Variants in DDX59 observed in about 807,000 individuals in gnomAD.
DDX59 encodes probable ATP-dependent RNA helicase DDX59.
DDX59 carries 30 observed loss-of-function variants against 51.9 expected under a neutral mutation model. The observed-to-expected ratio is 0.58, with a 90% CI of 0.43 to 0.78. DDX59 has a LOEUF of 0.78. Among genes scored for constraint, DDX59 ranks in the 30% least tolerant of loss-of-function variants. DDX59 has a pLI of 0.00. For missense variants in DDX59, 672 were observed against 730.8 expected (o/e 0.92, Z 0.93); for synonymous variants, 255 against 253.3 (o/e 1.01, Z -0.06).
chr1:200,666,737 A>G lies in DDX59; in HGVS notation c.4T>C (p.Phe2Leu). 6.2e-7 allele frequency: 1 copy of G among 1,608,902 alleles called. No homozygotes were observed. The change falls in exon 2 of 8, where the codon TTT (phenylalanine) becomes CTT (leucine). Residue 2 changes from phenylalanine to leucine, a missense_variant. Phe to Leu is a conservative substitution (Grantham distance 22, BLOSUM62 0). Coordinates refer to ENST00000331314, the MANE Select transcript of DDX59 (RefSeq NM_001031725.6). MFVPRSLKIKRN... is the reference protein window; with the variant it reads MLVPRSLKIKRN... ...TTGATTTTTAGAGATCTTGGAACAAACATCCTTCAATATTCTGTTAAGGAA... is the reference window on the plus strand; with the variant it reads ...TTGATTTTTAGAGATCTTGGAACAAGCATCCTTCAATATTCTGTTAAGGAA...
At chr1:200,659,262 G>T in intron 3 of DDX59, 146 bp from the exon 4 acceptor site, 1 of 608,432 alleles carries the variant, frequency 1.6e-6, no homozygotes, top group Admixed American at 3.0e-5. Flanking sequence ...CATAGTCTCT[G>T]CTCTCATGAA....
chr1:200,644,895 CAAAAAAAAAAAAA>C (rs60033922), intron 7 of DDX59, among the ~76,000 whole-genome samples: 1 of 80,982 alleles, frequency 1.2e-5, no homozygotes, highest in Non-Finnish European at 2.5e-5. Context: ...GACTCCATCT[CAAAAAAAAAAAAA>C]AAAAAAAAAG....
downstream of DDX59, chr1:200,641,273 G>A (rs536520510): frequency 3.1e-5 from 39 of 1,277,088 alleles, no homozygotes; most frequent in African/African-American, 5.8e-4. Context: ...GAAGAAAATA[G>A]TGTAGTTTTA....
chr1:200,647,377 C>T (rs1338597080), intron 7 of DDX59, among the ~76,000 whole-genome samples: 3 of 151,962 alleles, frequency 2.0e-5, no homozygotes, highest in Non-Finnish European at 4.4e-5. Context: ...GACAAGATTC[C>T]TTAAAAAAAT....
chr1:200,665,229 T>A (rs949317217), intron 2 of DDX59, among the ~76,000 whole-genome samples: 1 of 151,964 alleles, frequency 6.6e-6, no homozygotes, highest in East Asian at 1.9e-4. Flanking sequence ...GCTGAGGCGG[T>A]TGGATTACCT....
At chr1:200,653,432 A>AT (rs765077892) in intron 4 of DDX59, among the ~76,000 whole-genome samples, 20 of 152,236 alleles carry the variant, frequency 1.3e-4, no homozygotes, top group Non-Finnish European at 2.6e-4. Context: ...ACCCACTAGC[A>AT]TACCTCAGAG....
chr1:200,644,562 T>C (rs928256918), intron 7 of DDX59, 45 bp from the exon 8 acceptor site: 1 of 1,525,404 alleles, frequency 6.6e-7, no homozygotes, highest in South Asian at 1.3e-5. Flanking sequence ...CCATGTAAAA[T>C]CTTAGTGTCT....
rs1661138584 is a variant in DDX59, at chr1:200,644,113, AAATAC to A, written c.*136_*140del. 2 of 665,958 alleles carry A rather than the reference AAATAC, an allele frequency of 3.0e-6. No homozygotes were observed. Among genetic ancestry groups the A allele is most frequent in the African/African-American group, 1.9e-5 (1 of 52,226 alleles). 41.3% of individuals were successfully genotyped at this position (665,958 alleles called of 1,614,324 possible). On this transcript the variant is annotated 3_prime_UTR_variant, in exon 8 of 8. Coordinates refer to ENST00000331314, the MANE Select transcript of DDX59 (RefSeq NM_001031725.6). ...TTAATTTATAAGAATTAAGGGAAAT[AAATAC>A]AATATAGTTATATAAATTTTATTAA...
In DDX59 at chr1:200,669,796, C is replaced by G. The variant is rs1291127430; in HGVS notation, c.-41G>C. On this transcript the variant is annotated 5_prime_UTR_variant, in exon 1 of 8. Coordinates refer to ENST00000331314, the MANE Select transcript of DDX59 (RefSeq NM_001031725.6). ...GCAGGACTGAGGCCGCGTCCGCTCC[C>G]GCTCCCGCTCGGGCCGTCTCCCCCT... The G allele has an allele frequency of 6.6e-6, 1 of 152,654 alleles. No homozygotes were observed. The highest frequency in any genetic ancestry group is 1.5e-5 in the Non-Finnish European group (1 of 68,420). 9.5% of individuals were successfully genotyped at this position (152,654 alleles called of 1,614,324 possible). A position where few individuals can be genotyped will look rare whatever the true frequency, so the allele number is the denominator to read the frequency against.
In DDX59 at chr1:200,649,069, C is replaced by A; in HGVS notation, c.1467+5G>T. ...AAACAGAATATAGAATATTGGGTGT[C>A]AAACCTTCAATATGTTTTTCCTTTC... On this transcript the variant is annotated splice_donor_5th_base_variant and intron_variant, in intron 6 of 7. Transcript: ENST00000331314. 1.3e-6 allele frequency: 2 copies of A among 1,552,714 alleles called. No homozygotes were observed. The highest frequency in any genetic ancestry group is 2.5e-5 in the South Asian group (2 of 80,360).
At chr1:200,667,085 G>A (rs1274291286) in intron 1 of DDX59, among the ~76,000 whole-genome samples, 1 of 150,820 alleles carries the variant, frequency 6.6e-6, no homozygotes, top group South Asian at 2.1e-4. Context: ...TCCAGCCTGG[G>A]TGACAGTGAG....
intron 7 of DDX59, among the ~76,000 whole-genome samples, chr1:200,647,934 ACT>A (rs1340944513): frequency 4.1e-5 from 6 of 145,372 alleles, no homozygotes; most frequent in Non-Finnish European, 4.5e-5. Context: ...AGATCATGCC[ACT>A]GCACTCCAGC....
chr1:200,649,918 C>T (rs1661545778), intron 5 of DDX59, among the ~76,000 whole-genome samples: 1 of 151,178 alleles, frequency 6.6e-6, no homozygotes, highest in African/African-American at 2.4e-5. Context: ...TCTCAGCTCA[C>T]TACAAGCCCT....
intron 4 of DDX59, among the ~76,000 whole-genome samples, chr1:200,652,804 G>T (rs1399092927): frequency 6.9e-6 from 1 of 144,276 alleles, no homozygotes; most frequent in Non-Finnish European, 1.6e-5. Context: ...GAGTAGCTGG[G>T]ACCACAGGTG....
chr1:200,650,046 A>C (rs951277047), intron 5 of DDX59, among the ~76,000 whole-genome samples: 1 of 151,888 alleles, frequency 6.6e-6, no homozygotes, highest in Non-Finnish European at 1.5e-5. Flanking sequence ...GGGTTTCACC[A>C]TGTTAGCCAG....
At chr1:200,659,503 C>A (rs1662244475) in intron 3 of DDX59, among the ~76,000 whole-genome samples, 1 of 151,254 alleles carries the variant, frequency 6.6e-6, no homozygotes, top group South Asian at 2.1e-4. Flanking sequence ...GAGAATGGGG[C>A]AGGCTGAGGC....
intron 3 of DDX59, among the ~76,000 whole-genome samples, chr1:200,659,501 G>A (rs1362424308): frequency 6.6e-6 from 1 of 151,278 alleles, no homozygotes; most frequent in African/African-American, 2.5e-5. Flanking sequence ...GGGAGAATGG[G>A]GCAGGCTGAG....
chr1:200,656,101 A>G (rs1571630896), intron 4 of DDX59, among the ~76,000 whole-genome samples: 7 of 152,336 alleles, frequency 4.6e-5, no homozygotes, highest in African/African-American at 1.7e-4. Context: ...AAGTACTGGG[A>G]TTACAGGCGT....
At chr1:200,641,023 C>T, downstream of DDX59, 1 of 409,794 alleles carries the variant, frequency 2.4e-6, no homozygotes, top group Non-Finnish European at 4.8e-6. Flanking sequence ...GCCCTAGAGC[C>T]TCTGAGGTCA....
Sources: gnomAD v4.1 joint callset for allele counts (sites outside exome capture counted in the v4.1 genomes callset) on GRCh38, gnomAD v4.1.1 for gene constraint, MANE v1.5 for transcripts, NCBI Gene and HGNC (gene_info 2026-07-23, HGNC 2026-07-21) for gene names.